The following NPAS2 variants were observed in gnomAD, a reference collection of about 807,000 sequenced individuals.
The protein encoded by NPAS2 is neuronal PAS domain protein 2.
NPAS2 carries 23 observed loss-of-function variants against 107.5 expected under a neutral mutation model. That is an observed-to-expected ratio of 0.21 (90% CI 0.15 to 0.30). The LOEUF (loss-of-function observed/expected upper bound fraction) is 0.30. NPAS2 is among the 10% of genes least tolerant of loss of function. The pLI, the probability that NPAS2 is intolerant of heterozygous loss-of-function variation, is 1.00. For missense variants in NPAS2, 756 were observed against 1,043.3 expected (o/e 0.72, Z 3.79); for synonymous variants, 403 against 417.5 (o/e 0.97, Z 0.42).
intron 17 of NPAS2, chr2:100,989,003 TC>T (rs1463158677): frequency 8.2e-6 from 2 of 243,428 alleles, no homozygotes; most frequent in Non-Finnish European, 1.6e-5. Context: ...CCCCCACTGC[TC>T]CTCCAGGCCC....
chr2:100,987,509 G>T (rs1224336859), intron 16 of NPAS2: 1 of 152,644 alleles, frequency 6.6e-6, no homozygotes, highest in Non-Finnish European at 1.5e-5. Context: ...CTTAATTAAT[G>T]ACAGATCTGC....
At chr2:100,959,721 G>A (rs1675810730) in intron 7 of NPAS2, among the ~76,000 whole-genome samples, 2 of 152,134 alleles carry the variant, frequency 1.3e-5, no homozygotes, top group Non-Finnish European at 2.9e-5. Context: ...TGTCAGACTT[G>A]TTTTTCATTT....
At chr2:100,979,839 A>G (rs145882068) in intron 15 of NPAS2, among the ~76,000 whole-genome samples, 2 of 152,216 alleles carry the variant, frequency 1.3e-5, no homozygotes, top group East Asian at 1.9e-4. Context: ...CAATAACTAT[A>G]TTCTTTAAGA....
At chr2:100,912,732 G>A (rs909703987) in intron 2 of NPAS2, among the ~76,000 whole-genome samples, 2 of 152,202 alleles carry the variant, frequency 1.3e-5, no homozygotes, top group East Asian at 1.9e-4. Flanking sequence ...CGAATGTCAC[G>A]GGGAAGCTCT....
chr2:100,962,765 C>T (rs1675986657), intron 7 of NPAS2: 1 of 152,230 alleles, frequency 6.6e-6, no homozygotes, highest in African/African-American at 2.4e-5. Context: ...AAGGTCAGTC[C>T]GTTCTCCACA....
intron 1 of NPAS2, among the ~76,000 whole-genome samples, chr2:100,845,703 G>A (rs1677732923): frequency 6.6e-6 from 1 of 152,146 alleles, no homozygotes; most frequent in East Asian, 1.9e-4. Context: ...CTTCAATTTG[G>A]GATTCACATC....
At chr2:100,949,900 C>G (rs1328031820) in intron 7 of NPAS2, among the ~76,000 whole-genome samples, 1 of 152,144 alleles carries the variant, frequency 6.6e-6, no homozygotes, top group Admixed American at 6.6e-5. Context: ...TAGACCTGGT[C>G]CGTAGGTCTT....
intron 16 of NPAS2, chr2:100,984,011 C>CA (rs1216293784): frequency 1.3e-5 from 2 of 152,190 alleles, no homozygotes; most frequent in African/African-American, 4.8e-5. Flanking sequence ...GCAAGGTTAT[C>CA]GCTTTCACTC....
chr2:100,820,943 C>G lies in NPAS2; in HGVS notation c.-23+529C>G. ...TTGGGTGCGGAATCGGTGCCCCCAACCCCCGTGTGCGCAGACAGCGTGCAG... is the reference window on the plus strand; with the variant it reads ...TTGGGTGCGGAATCGGTGCCCCCAAGCCCCGTGTGCGCAGACAGCGTGCAG... On this transcript the variant is annotated intron_variant, in intron 1 of 20. Transcript: ENST00000335681. This position sits in a 1 kb window ranked among gnomAD's most constrained non-coding sequence, Gnocchi z 5.6. 1.2e-6 allele frequency: 1 copy of G among 860,856 alleles called. No individual in the cohort carries two copies. The highest frequency in any genetic ancestry group is 1.6e-6 in the Non-Finnish European group (1 of 619,176). 53.3% of individuals were successfully genotyped at this position (860,856 alleles called of 1,614,324 possible).
rs1448994883 is a variant in NPAS2, at chr2:100,990,425, T to G, written c.1997T>G (p.Phe666Cys). The change falls in exon 18 of 21, where the codon TTC (phenylalanine) becomes TGC (cysteine). Residue 666 changes from phenylalanine to cysteine, a missense_variant. By Grantham distance (205) the Phe-to-Cys change is radical. Coordinates refer to ENST00000335681, the MANE Select transcript of NPAS2 (RefSeq NM_002518.4). ...AGCCAGTGCCAGCCCAGCCCAGACT[T>G]CAGCCATGATCGGCAGCTCAGGTAC... is the stretch of plus-strand genomic sequence containing the variant. ...DASQCQPSPD[F>C]SHDRQLRLLL... is the part of the protein sequence containing the mutation. The G allele has an allele frequency of 3.1e-6, 5 of 1,614,034 alleles. No individual in the cohort carries two copies. Among genetic ancestry groups the G allele is most frequent in the Admixed American group, 1.7e-5 (1 of 60,000 alleles).
intron 12 of NPAS2, among the ~76,000 whole-genome samples, chr2:100,972,092 C>T (rs1390310196): frequency 6.6e-6 from 1 of 151,952 alleles, no homozygotes; most frequent in African/African-American, 2.4e-5. Context: ...GGATTATAGG[C>T]GCCCACCACC....
At chr2:100,970,776 T>A in intron 11 of NPAS2, 1 of 427,772 alleles carries the variant, frequency 2.3e-6, no homozygotes, top group Non-Finnish European at 4.1e-6. Context: ...AAAAAGATTT[T>A]GAATGTAATA....
At chr2:100,821,875 A>G (rs556566630) in intron 1 of NPAS2, among the ~76,000 whole-genome samples, 1 of 152,250 alleles carries the variant, frequency 6.6e-6, no homozygotes, top group Non-Finnish European at 1.5e-5. Flanking sequence ...ATAAAAGCAA[A>G]AATTCAGTGT....
At chr2:100,984,788 A>T (rs1374978795) in intron 16 of NPAS2, 7 of 152,126 alleles carry the variant, frequency 4.6e-5, no homozygotes. Flanking sequence ...CCTTTATCCC[A>T]ACCTCAGTGG....
At chr2:100,991,140 C>T (rs1419855308) in intron 19 of NPAS2, among the ~76,000 whole-genome samples, 1 of 152,254 alleles carries the variant, frequency 6.6e-6, no homozygotes, top group East Asian at 1.9e-4. Context: ...CTTCCGACTT[C>T]CTTACACCTG....
At chr2:100,823,583 C>T (rs116690485) in intron 1 of NPAS2, 1,825 of 152,310 alleles carry the variant, frequency 0.012, 39 homozygotes, top group African/African-American at 0.041. Context: ...GGAGAGGACC[C>T]GAGCTGCATT....
At chr2:100,918,522 G>GA (rs1336471988) in intron 2 of NPAS2, among the ~76,000 whole-genome samples, 1 of 152,088 alleles carries the variant, frequency 6.6e-6, no homozygotes, top group African/African-American at 2.4e-5. Context: ...CTTGTATCCA[G>GA]AAAATACAAG....
chr2:100,883,940 A>C (rs1223196823), intron 1 of NPAS2, among the ~76,000 whole-genome samples: 1 of 151,856 alleles, frequency 6.6e-6, no homozygotes, highest in Non-Finnish European at 1.5e-5. Flanking sequence ...TTTCTGTTTC[A>C]CCCCTGGAGA....
At chr2:100,844,723 A>G (rs1164327275) in intron 1 of NPAS2, among the ~76,000 whole-genome samples, 1 of 152,196 alleles carries the variant, frequency 6.6e-6, no homozygotes, top group African/African-American at 2.4e-5. Flanking sequence ...CATACTTACT[A>G]CTAGAAAGTG....
Sources: gnomAD v4.1 joint callset for allele counts (sites outside exome capture counted in the v4.1 genomes callset) on GRCh38, gnomAD v4.1.1 for gene constraint, Gnocchi (gnomAD v3.1) non-coding constraint, MANE v1.5 for transcripts, NCBI Gene and HGNC (gene_info 2026-07-23, HGNC 2026-07-21) for gene names.